Variants in IFT57 observed in about 807,000 individuals in gnomAD.
IFT57 encodes the protein intraflagellar transport protein 57 homolog.
In IFT57, 59 loss-of-function variants were observed where a neutral mutation model predicts 56.8. That is an observed-to-expected ratio of 1.04 (90% CI 0.84 to 1.29). The LOEUF (loss-of-function observed/expected upper bound fraction) is 1.29. Ranked by LOEUF, IFT57 falls within the 50% of genes most tolerant of loss-of-function variation. IFT57 has a pLI of 0.00. For synonymous variants in IFT57, 209 were observed against 186.1 expected (o/e 1.12, Z -1.00); for missense variants, 470 against 522.1 (o/e 0.90, Z 0.97).
At chr3:108,188,994 A>G (rs2080199992) in intron 6 of IFT57, among the ~76,000 whole-genome samples, 1 of 152,212 alleles carries the variant, frequency 6.6e-6, no homozygotes, top group African/African-American at 2.4e-5. Context: ...TTCCAACTAT[A>G]CAATTATTTT....
rs2080356841 is a variant in IFT57, at chr3:108,213,865, G to A, written c.585+66C>T. The A allele has an allele frequency of 1.2e-5, 11 of 883,076 alleles. No individual in the cohort carries two copies. The Middle Eastern group carries it at 8.8e-4, about 71-fold the overall frequency. 54.7% of individuals were successfully genotyped at this position (883,076 alleles called of 1,614,324 possible). ...ATATTCCAGATAATGGAAGTCTGGGGGAAATTAAGAGAATGGGAAGTGGCC... is the reference window on the plus strand; with the variant it reads ...ATATTCCAGATAATGGAAGTCTGGGAGAAATTAAGAGAATGGGAAGTGGCC... On this transcript the variant is annotated intron_variant, in intron 4 of 10. Coordinates refer to ENST00000264538, the MANE Select transcript of IFT57 (RefSeq NM_018010.4).
At chr3:108,163,848 T>A (rs557416761) in intron 9 of IFT57, 119 bp from the exon 10 acceptor site, 34 of 638,274 alleles carry the variant, frequency 5.3e-5, no homozygotes, top group Admixed American at 8.5e-5. Flanking sequence ...AATAAAGATA[T>A]TAGGAATATT....
At chr3:108,185,188 A>G (rs2080174690) in intron 6 of IFT57, among the ~76,000 whole-genome samples, 2 of 152,196 alleles carry the variant, frequency 1.3e-5, no homozygotes, top group South Asian at 4.1e-4. Context: ...ATGTGGGTGT[A>G]GGATTTCTAT....
At chr3:108,173,967 T>A (rs1347792086) in intron 6 of IFT57, among the ~76,000 whole-genome samples, 1 of 145,212 alleles carries the variant, frequency 6.9e-6, no homozygotes, top group Non-Finnish European at 1.5e-5. Context: ...GGTGTCCTAT[T>A]TAGTAAAAAT....
At position 108,162,314 on chromosome 3, in the gene IFT57, T is replaced by C. The variant is rs11034; in HGVS notation, c.*163A>G. ...TTTCTTTATTAAACATTACATTCAG[T>C]GTAAAGGCTTTAACCATCATAATCA... On this transcript the variant is annotated 3_prime_UTR_variant, in exon 11 of 11. Transcript: ENST00000264538. 6,317 of 496,592 alleles carry C rather than the reference T, an allele frequency of 0.013. 87 individuals carry two copies. Among genetic ancestry groups the C allele is most frequent in the Non-Finnish European group, 0.015 (4,137 of 283,640 alleles). 30.8% of individuals were successfully genotyped at this position (496,592 alleles called of 1,614,324 possible). A position where few individuals can be genotyped will look rare whatever the true frequency, so the allele number is the denominator to read the frequency against.
chr3:108,217,266 C>T (rs1314337698), intron 3 of IFT57, among the ~76,000 whole-genome samples: 1 of 152,002 alleles, frequency 6.6e-6, no homozygotes, highest in African/African-American at 2.4e-5. Flanking sequence ...ACTTACAATA[C>T]AGAGGCCAGG....
rs578203126 is a variant in IFT57 at position 108,174,228 on chromosome 3, T to G, written c.778-6364A>C. On this transcript the variant is annotated intron_variant, in intron 6 of 10. Transcript: ENST00000264538. ...TAGTTATAATGGAAAAAAATATAAA[T>G]GATTATAACTGTGGCATTTTAAAAA... Among the ~76,000 whole-genome samples the G allele has an allele frequency of 1.8e-4, 28 of 151,792 alleles. No individual in the cohort carries two copies. The South Asian group carries it at 1.9e-3, about 10-fold the overall frequency.
At chr3:108,206,129 T>C (rs2080311811) in intron 5 of IFT57, among the ~76,000 whole-genome samples, 1 of 141,154 alleles carries the variant, frequency 7.1e-6, no homozygotes, top group South Asian at 2.1e-4. Context: ...TGTAAAAATA[T>C]ATATCTGAAA....
chr3:108,185,256 G>A (rs1005121316), intron 6 of IFT57, among the ~76,000 whole-genome samples: 6 of 151,996 alleles, frequency 3.9e-5, no homozygotes, highest in African/African-American at 1.4e-4. Context: ...GATATAATAC[G>A]ACAATTTAAA....
At position 108,167,697 on chromosome 3, in the gene IFT57, C is replaced by CA. The variant is rs2080069984; in HGVS notation, c.849+95dup. On this transcript the variant is annotated intron_variant, in intron 7 of 10. Coordinates refer to ENST00000264538, the MANE Select transcript of IFT57 (RefSeq NM_018010.4). ...ATTCAATTAGTAAGTTCCTTAAAGG[C>CA]AAAAATTGTGTCTTTTTATTCTTTC... 3 of 810,208 alleles carry CA rather than the reference C, an allele frequency of 3.7e-6. No homozygotes were observed. The South Asian group carries it at 8.0e-5, about 22-fold the overall frequency. The allele number at this position is 810,208 out of a possible 1,614,324, so 50.2% of individuals were successfully genotyped here.
chr3:108,163,622 T>C (rs1477689761), intron 10 of IFT57, 41 bp downstream of exon 10: 1 of 1,372,538 alleles, frequency 7.3e-7, no homozygotes, highest in South Asian at 1.2e-5. Flanking sequence ...GAGCTATTTT[T>C]CTCTTGCTCA....
chr3:108,185,958 C>G (rs2080179774), intron 6 of IFT57, among the ~76,000 whole-genome samples: 2 of 151,998 alleles, frequency 1.3e-5, no homozygotes, highest in South Asian at 2.1e-4. Flanking sequence ...GGACCATGCC[C>G]CTGGTCACCC....
intron 5 of IFT57, among the ~76,000 whole-genome samples, chr3:108,206,036 TATA>T (rs540899737): frequency 4.8e-4 from 59 of 123,710 alleles, no homozygotes; most frequent in East Asian, 2.4e-3. Flanking sequence ...GTATATTATT[TATA>T]ATATATATTA....
chr3:108,209,996 A>C (rs975804344), intron 4 of IFT57, among the ~76,000 whole-genome samples: 1 of 152,150 alleles, frequency 6.6e-6, no homozygotes, highest in African/African-American at 2.4e-5. Context: ...AAAAGGATTA[A>C]GTTACTAAGT....
intron 6 of IFT57, among the ~76,000 whole-genome samples, chr3:108,185,998 C>G (rs1204539996): frequency 1.3e-5 from 2 of 152,102 alleles, no homozygotes; most frequent in African/African-American, 4.8e-5. Context: ...ATCGAAGGCA[C>G]TGAAGTGGTC....
At chr3:108,196,753 ACATT>A in intron 5 of IFT57, among the ~76,000 whole-genome samples, 1 of 152,222 alleles carries the variant, frequency 6.6e-6, no homozygotes, top group Non-Finnish European at 1.5e-5. Flanking sequence ...CAAAAAGAGA[ACATT>A]AGGTTTGGCA....
intron 5 of IFT57, among the ~76,000 whole-genome samples, chr3:108,191,990 A>G (rs2108317852): frequency 6.6e-6 from 1 of 152,210 alleles, no homozygotes; most frequent in East Asian, 1.9e-4. Context: ...ATGTTTGGTA[A>G]GAAAACTCAC....
At chr3:108,204,444 C>T (rs9868639) in intron 5 of IFT57, among the ~76,000 whole-genome samples, 1 of 152,120 alleles carries the variant, frequency 6.6e-6, no homozygotes, top group South Asian at 2.1e-4. Flanking sequence ...AATTGGTGTA[C>T]TGGCAGAAGC....
intron 6 of IFT57, among the ~76,000 whole-genome samples, chr3:108,189,116 C>A (rs2080200966): frequency 6.6e-6 from 1 of 152,108 alleles, no homozygotes; most frequent in Non-Finnish European, 1.5e-5. Context: ...ATGAAGACTT[C>A]CAGAAGATTT....
Sources: allele counts gnomAD v4.1 joint callset (sites outside exome capture counted in the v4.1 genomes callset), GRCh38; gene constraint gnomAD v4.1.1; transcripts MANE v1.5; gene names NCBI Gene and HGNC (gene_info 2026-07-23, HGNC 2026-07-21).